Variants in YWHAG observed in about 807,000 individuals in gnomAD.
YWHAG encodes tyrosine 3-monooxygenase/tryptophan 5-monooxygenase activation protein gamma, also known as 14-3-3 protein gamma.
A neutral mutation model predicts 23.3 loss-of-function variants in YWHAG; 1 was observed. The ratio of observed to expected loss-of-function variants is 0.04; its 90% CI spans 0.02 to 0.20. The LOEUF is 0.20. Ranked by LOEUF, YWHAG falls within the 10% of genes least tolerant of loss-of-function variation. YWHAG has a pLI of 1.00. For synonymous variants in YWHAG, 160 were observed against 144.0 expected (o/e 1.11, Z -0.80); for missense variants, 151 against 338.6 (o/e 0.45, Z 4.35).
chr7:76,340,416 T>A (rs1181192945), intron 1 of YWHAG, among the ~76,000 whole-genome samples: 2 of 152,246 alleles, frequency 1.3e-5, no homozygotes, highest in Non-Finnish European at 2.9e-5. Context: ...TCCAGTGGTT[T>A]CATTCTTAAA....
chr7:76,344,967 G>A (rs1262663718), intron 1 of YWHAG, among the ~76,000 whole-genome samples: 1 of 152,100 alleles, frequency 6.6e-6, no homozygotes, highest in African/African-American at 2.4e-5. Context: ...GCATATCACT[G>A]TCTTGTCCTT....
At chr7:76,357,491 T>A (rs1803978182) in intron 1 of YWHAG, among the ~76,000 whole-genome samples, 1 of 152,190 alleles carries the variant, frequency 6.6e-6, no homozygotes, top group African/African-American at 2.4e-5. Flanking sequence ...TGCTCAATAC[T>A]TCCCCCTCCT....
intron 1 of YWHAG, among the ~76,000 whole-genome samples, chr7:76,346,471 T>C (rs934421993): frequency 1.3e-5 from 2 of 152,240 alleles, no homozygotes; most frequent in Non-Finnish European, 2.9e-5. Context: ...AATGTTTCTT[T>C]GCTTACACTG....
At chr7:76,343,250 T>TG (rs1189873979) in intron 1 of YWHAG, among the ~76,000 whole-genome samples, 1 of 150,582 alleles carries the variant, frequency 6.6e-6, no homozygotes, top group Non-Finnish European at 1.5e-5. Flanking sequence ...CCAGGGATGC[T>TG]GCTGAACACC....
intron 1 of YWHAG, among the ~76,000 whole-genome samples, chr7:76,338,534 C>T (rs1325179995): frequency 2.0e-5 from 3 of 152,148 alleles, no homozygotes; most frequent in Non-Finnish European, 4.4e-5. Context: ...GCAGAAAAAA[C>T]TCCAGCCCTC....
At chr7:76,346,788 T>G (rs1330086887) in intron 1 of YWHAG, among the ~76,000 whole-genome samples, 1 of 152,144 alleles carries the variant, frequency 6.6e-6, no homozygotes, top group African/African-American at 2.4e-5. Flanking sequence ...AATTAGATTA[T>G]GGTCCTCTTC....
chr7:76,352,846 T>G (rs113879623), intron 1 of YWHAG, among the ~76,000 whole-genome samples: 6 of 152,050 alleles, frequency 3.9e-5, no homozygotes, highest in Non-Finnish European at 8.8e-5. Context: ...AGATGGGATT[T>G]CACCATGTTG....
chr7:76,333,560 G>A (rs1422853303), intron 1 of YWHAG, among the ~76,000 whole-genome samples: 5 of 152,110 alleles, frequency 3.3e-5, no homozygotes, highest in East Asian at 1.9e-4. Context: ...TCTCTTCTCC[G>A]TTTCATCCTC....
chr7:76,355,370 C>T (rs899610069), intron 1 of YWHAG, among the ~76,000 whole-genome samples: 9 of 152,192 alleles, frequency 5.9e-5, no homozygotes, highest in Admixed American at 2.6e-4. Flanking sequence ...GAACATTTAG[C>T]GCCATGTTGA....
chr7:76,342,428 A>C (rs1294345077), intron 1 of YWHAG, among the ~76,000 whole-genome samples: 1 of 152,048 alleles, frequency 6.6e-6, no homozygotes, highest in Non-Finnish European at 1.5e-5. Flanking sequence ...TATGTTGCAC[A>C]CTCCTGTGAG....
At chr7:76,331,549 A>T (rs1563662043) in intron 1 of YWHAG, among the ~76,000 whole-genome samples, 1 of 140,656 alleles carries the variant, frequency 7.1e-6, no homozygotes, top group Non-Finnish European at 1.6e-5. Context: ...TCTTTTTGCG[A>T]TTTTTTTTTT....
chr7:76,341,675 T>C (rs1335106231), intron 1 of YWHAG, among the ~76,000 whole-genome samples: 1 of 151,886 alleles, frequency 6.6e-6, no homozygotes, highest in Non-Finnish European at 1.5e-5. Flanking sequence ...ACATAATATG[T>C]CCAGAATAGG....
At position 76,348,271 on chromosome 7, in the gene YWHAG, T is replaced by G. The variant is rs527730505; in HGVS notation, c.87+10451A>C. 1.8e-4 allele frequency among the ~76,000 whole-genome samples: 28 copies of G among 151,382 alleles called. No individual in the cohort carries two copies. The South Asian group carries it at 4.6e-3, about 25-fold the overall frequency. On this transcript the variant is annotated intron_variant, in intron 1 of 1. Transcript: ENST00000307630. The stretch of plus-strand genomic sequence containing the variant: ...AACAAGAGCCTTAGACTTCGTTTTT[T>G]TTTTTTTTTTTTGGAGATAGCGTGT...
chr7:76,350,805 C>T (rs1803861493), intron 1 of YWHAG, among the ~76,000 whole-genome samples: 1 of 152,092 alleles, frequency 6.6e-6, no homozygotes, highest in South Asian at 2.1e-4. Flanking sequence ...GATCGCGCCA[C>T]TGCACTCCAC....
intron 1 of YWHAG, among the ~76,000 whole-genome samples, chr7:76,340,809 G>C (rs756672900): frequency 9.9e-5 from 15 of 152,168 alleles, no homozygotes; most frequent in Admixed American, 3.9e-4. Flanking sequence ...AAAATGTTTT[G>C]TTAGCAGCAT....
chr7:76,358,188 C>G (rs555411734), intron 1 of YWHAG, among the ~76,000 whole-genome samples: 4 of 152,224 alleles, frequency 2.6e-5, no homozygotes, highest in Admixed American at 6.5e-5. Flanking sequence ...TACAATGTTT[C>G]TGGGAAGATT....
intron 1 of YWHAG, among the ~76,000 whole-genome samples, chr7:76,344,040 A>G (rs559907551): frequency 2.1e-3 from 325 of 152,338 alleles, no homozygotes; most frequent in African/African-American, 7.7e-3. Flanking sequence ...GTTACTGTTA[A>G]GCAACACCTG....
At chr7:76,333,585 C>T (rs894032322) in intron 1 of YWHAG, among the ~76,000 whole-genome samples, 4 of 152,184 alleles carry the variant, frequency 2.6e-5, no homozygotes, top group African/African-American at 9.7e-5. Context: ...CTATATTAAG[C>T]GGAAACTGCC....
chr7:76,330,973 G>A (rs1367777646), intron 1 of YWHAG, among the ~76,000 whole-genome samples: 1 of 152,116 alleles, frequency 6.6e-6, no homozygotes, highest in Non-Finnish European at 1.5e-5. Context: ...GACTAAAGTG[G>A]CATCTCAAAC....
Sources: gnomAD v4.1 joint callset for allele counts (sites outside exome capture counted in the v4.1 genomes callset) on GRCh38, gnomAD v4.1.1 for gene constraint, MANE v1.5 for transcripts, NCBI Gene and HGNC (gene_info 2026-07-23, HGNC 2026-07-21) for gene names.